Variants in RBFOX1 observed in about 807,000 individuals in gnomAD.
RBFOX1 encodes RNA binding fox-1 homolog 1, also known as RNA binding protein fox-1 homolog 1.
Under a neutral mutation model 57.7 loss-of-function variants are expected in RBFOX1, and 8 were observed. The observed-to-expected ratio is 0.14, with a 90% CI of 0.08 to 0.25. The LOEUF (loss-of-function observed/expected upper bound fraction) is 0.25. Among genes scored for constraint, RBFOX1 ranks in the 10% least tolerant of loss-of-function variants. RBFOX1 has a pLI of 1.00. For missense variants in RBFOX1, 611 were observed against 548.5 expected (o/e 1.11, Z -1.14); for synonymous variants, 326 against 222.4 (o/e 1.47, Z -4.15).
chr16:6,780,681 G>C (rs1158802803), intron 3 of RBFOX1, among the ~76,000 whole-genome samples: 2 of 147,866 alleles, frequency 1.4e-5, no homozygotes, highest in African/African-American at 5.0e-5. Flanking sequence ...TTTTTTCAGA[G>C]AGCTATTTTA....
At chr16:7,663,074 C>T (rs1293102221) in intron 12 of RBFOX1, among the ~76,000 whole-genome samples, 5 of 152,178 alleles carry the variant, frequency 3.3e-5, no homozygotes, top group South Asian at 2.1e-4. Context: ...TGGGATGGAG[C>T]GGTTTTGATA....
intron 4 of RBFOX1, among the ~76,000 whole-genome samples, chr16:7,438,608 T>G (rs1181070382): frequency 6.6e-6 from 1 of 152,206 alleles, no homozygotes; most frequent in African/African-American, 2.4e-5. Flanking sequence ...GTGTCTGCAT[T>G]TAGCCATTGA....
intron 1 of RBFOX1, among the ~76,000 whole-genome samples, chr16:6,028,088 C>T (rs188099672): frequency 6.6e-6 from 1 of 152,194 alleles, no homozygotes; most frequent in African/African-American, 2.4e-5. Flanking sequence ...TTGGGACCAG[C>T]CCCCTGTCTT....
intron 2 of RBFOX1, among the ~76,000 whole-genome samples, chr16:6,337,029 A>T (rs2083858230): frequency 6.6e-6 from 1 of 152,218 alleles, no homozygotes; most frequent in African/African-American, 2.4e-5. Flanking sequence ...GCATTGAGGA[A>T]AGCATTTTTC....
intron 4 of RBFOX1, among the ~76,000 whole-genome samples, chr16:7,460,692 C>T (rs1156938514): frequency 2.0e-5 from 3 of 151,252 alleles, no homozygotes; most frequent in African/African-American, 7.3e-5. Context: ...TGTAACAATC[C>T]TGCACATGTA....
intron 2 of RBFOX1, among the ~76,000 whole-genome samples, chr16:6,583,294 C>A (rs2097563114): frequency 6.6e-6 from 1 of 152,190 alleles, no homozygotes; most frequent in African/African-American, 2.4e-5. Flanking sequence ...GGACCAGGAA[C>A]TACCTTTCCC....
At chr16:5,763,885 ATC>A (rs1221054908) in intron 3 of RBFOX1, among the ~76,000 whole-genome samples, 1 of 152,104 alleles carries the variant, frequency 6.6e-6, no homozygotes, top group Non-Finnish European at 1.5e-5. Flanking sequence ...GGTTTCCCAG[ATC>A]TCTTTTTTAT....
intron 1 of RBFOX1, among the ~76,000 whole-genome samples, chr16:5,398,072 T>G (rs764787778): frequency 2.0e-4 from 30 of 152,142 alleles, no homozygotes; most frequent in Non-Finnish European, 4.0e-4. Context: ...CACGGGGCTG[T>G]GAGAGGTTAT....
intron 4 of RBFOX1, among the ~76,000 whole-genome samples, chr16:7,488,376 T>G (rs955313618): frequency 6.6e-6 from 1 of 152,220 alleles, no homozygotes; most frequent in African/African-American, 2.4e-5. Flanking sequence ...TATACAACTA[T>G]GTACAGATAT....
At chr16:6,831,592 T>C (rs548357153) in intron 3 of RBFOX1, among the ~76,000 whole-genome samples, 2 of 152,316 alleles carry the variant, frequency 1.3e-5, no homozygotes, top group South Asian at 4.2e-4. Flanking sequence ...CTCAAAAATA[T>C]TTTCAACAAG....
At chr16:7,441,712 C>T (rs1009390009) in intron 4 of RBFOX1, among the ~76,000 whole-genome samples, 10 of 152,190 alleles carry the variant, frequency 6.6e-5, no homozygotes, top group Middle Eastern at 3.2e-3. Context: ...TATTGAGCAA[C>T]ATCCGCACAC....
At chr16:6,244,220 G>A (rs952619427) in intron 1 of RBFOX1, among the ~76,000 whole-genome samples, 1 of 151,112 alleles carries the variant, frequency 6.6e-6, no homozygotes, top group Non-Finnish European at 1.5e-5. Flanking sequence ...TGGAGATTTG[G>A]TTATATCCCT....
At chr16:7,126,434 C>G (rs1346369878) in intron 4 of RBFOX1, 1 of 228,900 alleles carries the variant, frequency 4.4e-6, no homozygotes, top group Non-Finnish European at 9.1e-6. Flanking sequence ...AACGTGGCTT[C>G]ACATACAGCT....
At chr16:5,621,845 C>A (rs1388114124) in intron 3 of RBFOX1, among the ~76,000 whole-genome samples, 2 of 152,074 alleles carry the variant, frequency 1.3e-5, no homozygotes, top group South Asian at 2.1e-4. Context: ...TATTTTTGCA[C>A]CCAAGCCTTC....
At chr16:6,887,885 C>A (rs138683694) in intron 3 of RBFOX1, among the ~76,000 whole-genome samples, 6 of 152,084 alleles carry the variant, frequency 3.9e-5, no homozygotes, top group Non-Finnish European at 7.4e-5. Flanking sequence ...TGGTCTCGAA[C>A]TCCAGACTTC....
intron 3 of RBFOX1, among the ~76,000 whole-genome samples, chr16:6,743,618 C>T (rs1226676703): frequency 6.6e-6 from 1 of 151,670 alleles, no homozygotes; most frequent in Non-Finnish European, 1.5e-5. Flanking sequence ...TGGTGCATGT[C>T]TGTAGTCCCA....
intron 3 of RBFOX1, among the ~76,000 whole-genome samples, chr16:6,689,721 T>A (rs569485639): frequency 3.3e-5 from 5 of 152,294 alleles, no homozygotes; most frequent in East Asian, 3.9e-4. Context: ...TTCTGTTTGG[T>A]TCTTCCCTGA....
chr16:7,506,733 TG>T (rs2073435952), intron 4 of RBFOX1, among the ~76,000 whole-genome samples: 1 of 152,242 alleles, frequency 6.6e-6, no homozygotes, highest in African/African-American at 2.4e-5. Flanking sequence ...ATCCATGTGT[TG>T]GAAAGTGTTT....
intron 1 of RBFOX1, among the ~76,000 whole-genome samples, chr16:5,402,214 C>T (rs143481399): frequency 6.6e-6 from 1 of 152,210 alleles, no homozygotes; most frequent in East Asian, 1.9e-4. Context: ...GCTAAGACAC[C>T]CCAGCGTACT....
Sources: allele counts gnomAD v4.1 joint callset (sites outside exome capture counted in the v4.1 genomes callset), GRCh38; gene constraint gnomAD v4.1.1; transcripts MANE v1.5; gene names NCBI Gene and HGNC (gene_info 2026-07-23, HGNC 2026-07-21).